PPP1R9B: variants seen among roughly 807,000 people sequenced by gnomAD.
PPP1R9B encodes neurabin-2.
In PPP1R9B, 17 loss-of-function variants were observed where a neutral mutation model predicts 75.8. That is an observed-to-expected ratio of 0.22 (90% confidence interval 0.15 to 0.34). The LOEUF is 0.34. PPP1R9B is among the 10% of genes least tolerant of loss of function. The pLI is 1.00. For missense variants in PPP1R9B, 875 were observed against 1,196.0 expected (o/e 0.73, Z 3.96); for synonymous variants, 509 against 535.4 (o/e 0.95, Z 0.68).
chr17:50,140,589 G>A (rs971131460), intron 4 of PPP1R9B, among the ~76,000 whole-genome samples: 2 of 152,206 alleles, frequency 1.3e-5, no homozygotes, highest in Admixed American at 6.5e-5. Context: ...GATGGGCTGC[G>A]GAGGTGTTTC....
intron 3 of PPP1R9B, 143 bp from the exon 4 acceptor site, chr17:50,141,516 A>C: frequency 1.8e-6 from 1 of 547,862 alleles, no homozygotes; most frequent in South Asian, 2.3e-5. Flanking sequence ...AAGAAAAATT[A>C]GCTGGGCATG....
rs752790786 is a variant in PPP1R9B, at chr17:50,135,687, T to C, written c.2304-38A>G. 5.2e-6 allele frequency: 8 copies of C among 1,545,850 alleles called. No homozygotes were observed. In the South Asian group the frequency reaches 7.0e-5, roughly 14 times the overall value. ...AAGGGACAGATGGCAGGTAAGGGTG[T>C]GTGGTCTGGCTTTCATCCAGGGTGA... On this transcript the variant is annotated intron_variant, in intron 8 of 9. Transcript: ENST00000612501.
Position 50,140,462 on chromosome 17 carries a change from G to A in PPP1R9B, c.1731-234C>T, listed in dbSNP as rs1912346132. 5 of 586,886 alleles carry A rather than the reference G, an allele frequency of 8.5e-6. No individual in the cohort carries two copies. The South Asian group carries it at 1.0e-4, about 12-fold the overall frequency. The allele number at this position is 586,886 out of a possible 1,614,324, so 36.4% of individuals were successfully genotyped here. On this transcript the variant is annotated intron_variant, in intron 4 of 9. Transcript: ENST00000612501. ...ACCCCTCTGGCCAGTATTGCGGGAG[G>A]GAGAATGTCAGCCCACCTCTAGGCT...
At chr17:50,138,968 G>A (rs1469292604) in intron 7 of PPP1R9B, among the ~76,000 whole-genome samples, 2 of 152,224 alleles carry the variant, frequency 1.3e-5, no homozygotes, top group African/African-American at 2.4e-5. Context: ...TTGTGCTAAA[G>A]ACTTGACGTG....
chr17:50,149,663 G>A lies in PPP1R9B; in HGVS notation c.851C>T (p.Ala284Val), dbSNP rs1165785796. The stretch of plus-strand genomic sequence containing the variant: ...GGGCTTGGGGGGCGGCCGGGCAGGG[G>A]CCACTCGGTGCTGCGGGGGCTGCTG... ...AGQQPPQHRV[A>V]PARPPPKPRE... Residue 284 changes from alanine to valine, a missense_variant, in exon 1 of 10, where the codon GCC becomes GTC. By Grantham distance (64) the Ala-to-Val change is moderately conservative. Coordinates refer to ENST00000612501, the MANE Select transcript of PPP1R9B (RefSeq NM_032595.5). This position sits in a 1 kb window ranked among gnomAD's most constrained non-coding sequence, Gnocchi z 7.2. 3 of 1,503,822 alleles carry A rather than the reference G, an allele frequency of 2.0e-6. No homozygotes were observed. Among genetic ancestry groups the A allele is most frequent in the South Asian group, 2.5e-5 (2 of 78,982 alleles). The allele number at this position is 1,503,822 out of a possible 1,614,324, so 93.2% of individuals were successfully genotyped here.
rs1382747227 is a variant in PPP1R9B at position 50,139,626 on chromosome 17, C to T, written c.1867-45G>A. On this transcript the variant is annotated intron_variant, in intron 5 of 9. Transcript: ENST00000612501. This position sits in a 1 kb window ranked among gnomAD's most constrained non-coding sequence, Gnocchi z 5.0. The stretch of plus-strand genomic sequence containing the variant: ...ACTGTGGGCCCACCCCACCCAGCTG[C>T]CCTCAGCCCTGATGACCAGGGCTGG... The T allele has an allele frequency of 1.3e-6, 2 of 1,514,580 alleles. No homozygotes were observed. The highest frequency in any genetic ancestry group is 1.3e-5 in the South Asian group (1 of 75,774). 93.8% of individuals were successfully genotyped at this position (1,514,580 alleles called of 1,614,324 possible). A position where few individuals can be genotyped will look rare whatever the true frequency, so the allele number is the denominator to read the frequency against.
Position 50,149,592 on chromosome 17 carries a change from C to G in PPP1R9B, c.922G>C (p.Glu308Gln). 1 of 1,569,746 alleles carries G rather than the reference C, an allele frequency of 6.4e-7. No individual in the cohort carries two copies. The highest frequency in any genetic ancestry group is 1.2e-5 in the South Asian group (1 of 85,680). ...CCGGGCGCCGACTCGGCCTCCGACT[C>G]CCCGCTCTCCTCCACCTCCACCGGC... The part of the protein sequence containing the change: ...IKPVEVEESG[E>Q]SEAESAPGEV... The change falls in exon 1 of 10, where the codon GAG becomes CAG. Residue 308 changes from glutamate (E) to glutamine (Q), a missense_variant. This residue lies in a region of PPP1R9B where 449 missense variants were observed against 475.0 expected (regional missense o/e 0.95). Transcript: ENST00000612501. This position sits in a 1 kb window ranked among gnomAD's most constrained non-coding sequence, Gnocchi z 7.2.
intron 1 of PPP1R9B, among the ~76,000 whole-genome samples, chr17:50,146,366 A>C (rs1912518435): frequency 6.8e-6 from 1 of 146,324 alleles, no homozygotes; most frequent in African/African-American, 2.5e-5. Flanking sequence ...GCGGGGAGGG[A>C]TGGGGAACAG....
intron 7 of PPP1R9B, among the ~76,000 whole-genome samples, chr17:50,138,182 GTGT>G (rs2144442255): frequency 1.5e-5 from 2 of 136,168 alleles, no homozygotes; most frequent in South Asian, 4.5e-4. Context: ...GTGTGTGTGT[GTGT>G]GTGTGTGTGT....
chr17:50,145,006 G>C (rs1234241779), intron 2 of PPP1R9B, 107 bp downstream of exon 2: 2 of 1,377,394 alleles, frequency 1.5e-6, no homozygotes, highest in Admixed American at 2.2e-5. Context: ...GAGAGGCCCA[G>C]CAAGTCTGTG....
At position 50,149,814 on chromosome 17, in the gene PPP1R9B, C is replaced by T; in HGVS notation, c.700G>A (p.Ala234Thr). ...TTCGAGTTGACCTGGGGAACCCCTG[C>T]GGCCCTGGGGAGCCCGGGCCCGCGG... ...LHRGPGLPRA[A>T]GVPQVNSKLV... is the part of the protein sequence containing the mutation. The change falls in exon 1 of 10, where the codon GCA (alanine) becomes ACA (threonine). Residue 234 changes from alanine to threonine, a missense_variant. This residue lies in a region of PPP1R9B where 449 missense variants were observed against 475.0 expected (regional missense o/e 0.95). Transcript: ENST00000612501. This position sits in a 1 kb window ranked among gnomAD's most constrained non-coding sequence, Gnocchi z 7.2. 9.8e-6 allele frequency: 14 copies of T among 1,430,426 alleles called. No individual in the cohort carries two copies. The highest frequency in any genetic ancestry group is 1.4e-5 in the South Asian group (1 of 69,796). 88.6% of individuals were successfully genotyped at this position (1,430,426 alleles called of 1,614,324 possible).
intron 1 of PPP1R9B, among the ~76,000 whole-genome samples, chr17:50,146,541 G>A (rs867800016): frequency 4.6e-5 from 7 of 152,160 alleles, no homozygotes; most frequent in African/African-American, 7.2e-5. Context: ...GCTCCGTGTC[G>A]TCCCCACCCC....
Position 50,150,420 on chromosome 17 carries a change from G to A in PPP1R9B, c.94C>T (p.Pro32Ser). Residue 32 changes from proline (P) to serine (S), a missense_variant, in exon 1 of 10, where the codon CCG (proline) becomes TCG (serine). This residue lies in a region of PPP1R9B where 145 missense variants were observed against 226.1 expected (regional missense o/e 0.64). Transcript: ENST00000612501. This position sits in a 1 kb window ranked among gnomAD's most constrained non-coding sequence, Gnocchi z 8.7. The part of the protein sequence containing the change: ...AYEAGIQALK[P>S]PDAPGPDEAP... ...TCGTCGGGCCCGGGCGCGTCGGGCG[G>A]CTTCAGCGCCTGGATGCCCGCCTCG... The A allele has an allele frequency of 1.4e-6, 2 of 1,383,858 alleles. No homozygotes were observed. The highest frequency in any genetic ancestry group is 1.9e-6 in the Non-Finnish European group (2 of 1,064,288). The allele number at this position is 1,383,858 out of a possible 1,614,324, so 85.7% of individuals were successfully genotyped here. A position where few individuals can be genotyped will look rare whatever the true frequency, so the allele number is the denominator to read the frequency against.
Position 50,150,491 on chromosome 17 carries a change from C to G in PPP1R9B, c.23G>C (p.Gly8Ala). Residue 8 changes from glycine (G) to alanine (A), a missense_variant, in exon 1 of 10, where the codon GGG becomes GCG. Coordinates refer to ENST00000612501, the MANE Select transcript of PPP1R9B (RefSeq NM_032595.5). This position sits in a 1 kb window ranked among gnomAD's most constrained non-coding sequence, Gnocchi z 8.7. MMKTEPRGPGGPLRSASP... is the reference protein window; with the variant it reads MMKTEPRAPGGPLRSASP... ...GGCGCTCCGGAGGGGACCCCCGGGC[C>G]CCCGTGGCTCCGTCTTCATCATGGT... The G allele has an allele frequency of 7.4e-7, 1 of 1,356,696 alleles. No homozygotes were observed. Among genetic ancestry groups the G allele is most frequent in the Non-Finnish European group, 9.5e-7 (1 of 1,051,044 alleles). The allele number at this position is 1,356,696 out of a possible 1,614,324, so 84.0% of individuals were successfully genotyped here.
intron 1 of PPP1R9B, 28 bp from the exon 2 acceptor site, chr17:50,145,273 G>C (rs371171232): frequency 2.2e-4 from 355 of 1,611,172 alleles, no homozygotes; most frequent in Non-Finnish European, 2.9e-4. Flanking sequence ...TGGTCAGAGA[G>C]GCCGGCAGGA....
Position 50,145,135 on chromosome 17 carries a change from C to T in PPP1R9B, c.1482G>A (p.Leu494=), listed in dbSNP as rs777211252. The T allele has an allele frequency of 6.2e-7, 1 of 1,613,952 alleles. No individual in the cohort carries two copies. Among genetic ancestry groups the T allele is most frequent in the Non-Finnish European group, 8.5e-7 (1 of 1,179,876 alleles). ...ELEKRVERLE[L]FPVELEKDSE... The stretch of plus-strand genomic sequence containing the variant: ...CACCCTTCTCCAGCTCCACAGGGAA[C>T]AGCTCCAACCTCTCCACACGCTTCT... The change falls in exon 2 of 10, where the codon CTG becomes CTA. Residue 494 remains leucine, a synonymous_variant. Transcript: ENST00000612501.
rs763935211 is a variant in PPP1R9B, at chr17:50,140,095, C to T, written c.1864G>A (p.Glu622Lys). The T allele has an allele frequency of 8.1e-6, 13 of 1,613,236 alleles. No individual in the cohort carries two copies. Among genetic ancestry groups the T allele is most frequent in the Non-Finnish European group, 1.1e-5 (13 of 1,179,678 alleles). ...RYAQYGEDDE[E>K]TGEYATDEDE... is the part of the protein sequence containing the mutation. ...CCAGCCAGGCAGGGACTCCCTACCTCCTCGTCATCCTCCCCATACTGGGCG... is the reference window on the plus strand; with the variant it reads ...CCAGCCAGGCAGGGACTCCCTACCTTCTCGTCATCCTCCCCATACTGGGCG... Residue 622 changes from glutamate to lysine, a missense_variant and splice_region_variant, in exon 5 of 10, where the codon GAG becomes AAG. By Grantham distance (56) the Glu-to-Lys change is moderately conservative (BLOSUM62 1). Around this residue, in one of 4 missense-constraint regions of PPP1R9B, gnomAD observed 218 missense variants for 334.6 expected, o/e 0.65. Transcript: ENST00000612501.
At chr17:50,141,459 TCCCC>T in intron 3 of PPP1R9B, 86 bp from the exon 4 acceptor site, 4 of 825,660 alleles carry the variant, frequency 4.8e-6, no homozygotes, top group Non-Finnish European at 7.6e-6. Context: ...AACTCCAGGC[TCCCC>T]AGCCTGAGTA....
In PPP1R9B at chr17:50,139,051, G is replaced by A. The variant is rs140175133; in HGVS notation, c.2073+212C>T. Among the ~76,000 whole-genome samples the A allele has an allele frequency of 2.0e-4, 30 of 152,356 alleles. No homozygotes were observed. The East Asian group carries it at 5.8e-3, about 29-fold the overall frequency. ...ACGACCTCATTTTATAGATGAGGAG[G>A]CTGAGGCACAGAGAAGCAAGTGATG... On this transcript the variant is annotated intron_variant, in intron 7 of 9. Transcript: ENST00000612501. The surrounding 1 kb of genome is among the most constrained non-coding windows in gnomAD (Gnocchi z 5.0).
Sources: gnomAD v4.1 joint callset for allele counts (sites outside exome capture counted in the v4.1 genomes callset) on GRCh38, gnomAD v4.1.1 for gene constraint, gnomAD v4.1.1 regional missense constraint, Gnocchi (gnomAD v3.1) non-coding constraint, MANE v1.5 for transcripts, NCBI Gene and HGNC (gene_info 2026-07-23, HGNC 2026-07-21) for gene names.